Variants in HTR1F observed in about 807,000 individuals in gnomAD.
HTR1F encodes the protein 5-hydroxytryptamine receptor 1F, also known as 5-hydroxytryptamine (serotonin) receptor 1F, G protein-coupled.
In HTR1F, 17 loss-of-function variants were observed where a neutral mutation model predicts 24.0. That is an observed-to-expected ratio of 0.71 (90% CI 0.48 to 1.06). HTR1F has a LOEUF of 1.06. HTR1F is among the 50% of genes least tolerant of loss of function. The pLI, the probability that HTR1F is intolerant of heterozygous loss-of-function variation, is 0.00. For synonymous variants in HTR1F, 186 were observed against 156.8 expected (o/e 1.19, Z -1.39); for missense variants, 391 against 427.8 (o/e 0.91, Z 0.76).
chr3:87,922,804 T>C (rs1704039426), intron 2 of HTR1F, among the ~76,000 whole-genome samples: 1 of 150,904 alleles, frequency 6.6e-6, no homozygotes, highest in African/African-American at 2.4e-5. Flanking sequence ...GTTCTTGGAG[T>C]ATTTATCTGT....
chr3:87,811,111 T>C (rs565042249), intron 1 of HTR1F, among the ~76,000 whole-genome samples: 9 of 152,340 alleles, frequency 5.9e-5, no homozygotes, highest in Admixed American at 2.0e-4. Flanking sequence ...CTTTAATTCA[T>C]ACTTCTTGAG....
At chr3:87,843,900 G>A (rs1327178618) in intron 2 of HTR1F, among the ~76,000 whole-genome samples, 4 of 151,512 alleles carry the variant, frequency 2.6e-5, no homozygotes, top group African/African-American at 7.3e-5. Context: ...GTGTATATGC[G>A]CCACATTTTC....
chr3:87,837,833 A>ACTT, intron 2 of HTR1F, among the ~76,000 whole-genome samples: 1 of 152,008 alleles, frequency 6.6e-6, no homozygotes, highest in Non-Finnish European at 1.5e-5. Context: ...CTCCTCCTTG[A>ACTT]CTTTAGACAA....
At chr3:87,839,846 A>C (rs1359020207) in intron 2 of HTR1F, among the ~76,000 whole-genome samples, 3 of 152,128 alleles carry the variant, frequency 2.0e-5, no homozygotes, top group Non-Finnish European at 4.4e-5. Flanking sequence ...TTGTAAGTGG[A>C]AACATGCAGT....
intron 2 of HTR1F, among the ~76,000 whole-genome samples, chr3:87,874,794 C>T (rs1273528161): frequency 6.6e-6 from 1 of 152,082 alleles, no homozygotes; most frequent in African/African-American, 2.4e-5. Context: ...GGCATAAAGG[C>T]AGACATATAG....
chr3:87,847,845 T>C (rs1704980912), intron 2 of HTR1F, among the ~76,000 whole-genome samples: 1 of 151,890 alleles, frequency 6.6e-6, no homozygotes, highest in African/African-American at 2.4e-5. Flanking sequence ...GACCTTCAGT[T>C]CTATTCATAT....
intron 2 of HTR1F, among the ~76,000 whole-genome samples, chr3:87,894,704 C>G (rs770796884): frequency 2.6e-5 from 4 of 151,630 alleles, no homozygotes; most frequent in Non-Finnish European, 4.4e-5. Flanking sequence ...TCTGCATTTA[C>G]CTGTTGGGCT....
chr3:87,936,840 T>G (rs1704431348), intron 2 of HTR1F, among the ~76,000 whole-genome samples: 1 of 151,936 alleles, frequency 6.6e-6, no homozygotes. Flanking sequence ...TCATTTCATC[T>G]CTAAACACCT....
intron 1 of HTR1F, among the ~76,000 whole-genome samples, chr3:87,798,181 A>G (rs927070301): frequency 6.6e-6 from 1 of 152,010 alleles, no homozygotes; most frequent in Non-Finnish European, 1.5e-5. Flanking sequence ...ACCTGCTCCA[A>G]ACTAACACTG....
chr3:87,932,157 C>A (rs1458799327), intron 2 of HTR1F, among the ~76,000 whole-genome samples: 1 of 152,048 alleles, frequency 6.6e-6, no homozygotes, highest in Admixed American at 6.6e-5. Flanking sequence ...AGGTTTTCTT[C>A]TAGGGTTTTT....
intron 2 of HTR1F, among the ~76,000 whole-genome samples, chr3:87,832,608 G>A (rs1459996410): frequency 6.6e-6 from 1 of 152,130 alleles, no homozygotes; most frequent in Non-Finnish European, 1.5e-5. Context: ...GATTACAGGC[G>A]TGAGCCACCG....
At chr3:87,833,272 T>A (rs1312638776) in intron 2 of HTR1F, among the ~76,000 whole-genome samples, 1 of 152,200 alleles carries the variant, frequency 6.6e-6, no homozygotes, top group Non-Finnish European at 1.5e-5. Flanking sequence ...GTCTCCAAAC[T>A]GGAACTAGGG....
At chr3:87,968,509 G>A (rs1559652023) in intron 2 of HTR1F, among the ~76,000 whole-genome samples, 1 of 152,092 alleles carries the variant, frequency 6.6e-6, no homozygotes, top group Non-Finnish European at 1.5e-5. Context: ...ACCGCACCTG[G>A]CCAGGCAGAA....
intron 2 of HTR1F, among the ~76,000 whole-genome samples, chr3:87,925,759 T>C (rs1230788704): frequency 6.6e-6 from 1 of 152,116 alleles, no homozygotes; most frequent in African/African-American, 2.4e-5. Flanking sequence ...GTAGCTATGA[T>C]TGCAGGTATT....
At chr3:87,989,242 T>C (rs1375756727) in intron 2 of HTR1F, among the ~76,000 whole-genome samples, 1 of 152,172 alleles carries the variant, frequency 6.6e-6, no homozygotes, top group Non-Finnish European at 1.5e-5. Flanking sequence ...TTATAAGCCA[T>C]GAATGGAGAG....
intron 2 of HTR1F, among the ~76,000 whole-genome samples, chr3:87,954,876 T>C (rs1704911168): frequency 6.6e-6 from 1 of 151,534 alleles, no homozygotes. Context: ...CTCATTTTCC[T>C]GTTTTCAACC....
At chr3:87,938,005 G>C (rs1362127460) in intron 2 of HTR1F, among the ~76,000 whole-genome samples, 1 of 151,928 alleles carries the variant, frequency 6.6e-6, no homozygotes, top group African/African-American at 2.4e-5. Context: ...AACTATCACT[G>C]TTTGCAGATG....
chr3:87,898,421 T>C (rs1196037863), intron 2 of HTR1F, among the ~76,000 whole-genome samples: 6 of 152,156 alleles, frequency 3.9e-5, no homozygotes, highest in African/African-American at 4.8e-5. Context: ...GATGTTTTTT[T>C]CTAAGCAAAG....
intron 1 of HTR1F, among the ~76,000 whole-genome samples, chr3:87,814,884 C>T (rs953366146): frequency 2.0e-5 from 3 of 151,978 alleles, no homozygotes; most frequent in Non-Finnish European, 4.4e-5. Flanking sequence ...GAAAATTACT[C>T]TTATATAGGA....
Sources: allele counts gnomAD v4.1 joint callset (sites outside exome capture counted in the v4.1 genomes callset), GRCh38; gene constraint gnomAD v4.1.1; transcripts MANE v1.5; gene names NCBI Gene and HGNC (gene_info 2026-07-23, HGNC 2026-07-21).